The following LIMS2 variants were observed in gnomAD, a reference collection of about 807,000 sequenced individuals.
LIMS2 encodes the protein LIM zinc finger domain containing 2.
A neutral mutation model predicts 45.3 loss-of-function variants in LIMS2; 30 were observed. The ratio of observed to expected loss-of-function variants is 0.66; its 90% confidence interval spans 0.50 to 0.90. The LOEUF (loss-of-function observed/expected upper bound fraction) is 0.90, where lower values mean the gene tolerates loss of function less well. Among genes scored for constraint, LIMS2 ranks in the 40% least tolerant of loss-of-function variants. The probability of loss-of-function intolerance (pLI) is 0.00; values close to 1 mark genes in which losing one functional copy is unlikely to be tolerated. For missense variants in LIMS2, 485 were observed against 468.7 expected (o/e 1.03, Z -0.32); for synonymous variants, 173 against 188.0 (o/e 0.92, Z 0.65).
chr2:127,654,368 G>C lies in LIMS2; in HGVS notation c.359+56C>G, dbSNP rs879078159. 5.2e-5 allele frequency: 83 copies of C among 1,610,904 alleles called. 1 individual carries two copies. The South Asian group carries it at 6.4e-4, about 12-fold the overall frequency. On this transcript the variant is annotated intron_variant, in intron 4 of 9. Transcript: ENST00000355119. ...TGGGTAGCACACAGGAGAGGTGGCA[G>C]GTGTGCCAGGAAGGGCTGTGGCCCA...
chr2:127,641,274 ATCCCCT>A, intron 6 of LIMS2: 1 of 300,044 alleles, frequency 3.3e-6, no homozygotes, highest in Non-Finnish European at 6.4e-6. Context: ...GTGAGTCACC[ATCCCCT>A]CCCAGTCTGG....
chr2:127,664,552 G>C lies in LIMS2; in HGVS notation c.12-6990C>G. On this transcript the variant is annotated intron_variant, in intron 1 of 9. Coordinates refer to ENST00000355119, the MANE Select transcript of LIMS2 (RefSeq NM_001161403.3). The surrounding 1 kb of genome is among the most constrained non-coding windows in gnomAD (Gnocchi z 5.5). ...GTCGCGAGCTCACGTTACGCGCTGG[G>C]ATCTCCAAAGGGCAGCAGAGTCAAC... is the stretch of plus-strand genomic sequence containing the variant. 8.7e-7 allele frequency: 1 copy of C among 1,149,844 alleles called. No homozygotes were observed. The allele number at this position is 1,149,844 out of a possible 1,614,324, so 71.2% of individuals were successfully genotyped here. A position where few individuals can be genotyped will look rare whatever the true frequency, so the allele number is the denominator to read the frequency against.
At chr2:127,661,077 C>T (rs903754975) in intron 1 of LIMS2, among the ~76,000 whole-genome samples, 6 of 152,202 alleles carry the variant, frequency 3.9e-5, no homozygotes, top group South Asian at 2.1e-4. Context: ...GCAGAGACAA[C>T]GGAGACACAG....
intron 1 of LIMS2, among the ~76,000 whole-genome samples, chr2:127,670,570 G>A (rs1488216491): frequency 6.6e-6 from 1 of 152,244 alleles, no homozygotes; most frequent in Non-Finnish European, 1.5e-5. Context: ...GCACAGCCTT[G>A]TGAATGCACG....
chr2:127,664,329 C>T lies in LIMS2; in HGVS notation c.12-6767G>A. 8.1e-7 allele frequency: 1 copy of T among 1,230,878 alleles called. No homozygotes were observed. The highest frequency in any genetic ancestry group is 1.6e-5 in the African/African-American group (1 of 63,946). 76.2% of individuals were successfully genotyped at this position (1,230,878 alleles called of 1,614,324 possible). On this transcript the variant is annotated intron_variant, in intron 1 of 9. Transcript: ENST00000355119. The surrounding 1 kb of genome is among the most constrained non-coding windows in gnomAD (Gnocchi z 5.5). ...ACCCCGTGGCTGGCGGCGGGCTCTGCCGGTGCTGGCGCCGCCGGTACAGCC... is the reference window on the plus strand; with the variant it reads ...ACCCCGTGGCTGGCGGCGGGCTCTGTCGGTGCTGGCGCCGCCGGTACAGCC...
rs925134074 is a variant in LIMS2 at position 127,639,185 on chromosome 2, G to A, written c.*96C>T. ...AGGAAAGAGAAAGGGAGGGTAAGAT[G>A]CGGAGGGCACAGGTGGATGGGGACG... On this transcript the variant is annotated 3_prime_UTR_variant, in exon 10 of 10. Coordinates refer to ENST00000355119, the MANE Select transcript of LIMS2 (RefSeq NM_001161403.3). 6 of 1,303,108 alleles carry A rather than the reference G, an allele frequency of 4.6e-6. No homozygotes were observed. The East Asian group carries it at 9.3e-5, about 20-fold the overall frequency. 80.7% of individuals were successfully genotyped at this position (1,303,108 alleles called of 1,614,324 possible).
At position 127,651,229 on chromosome 2, in the gene LIMS2, C is replaced by T. The variant is rs766118161; in HGVS notation, c.359+3195G>A. The T allele has an allele frequency of 1.7e-5, 27 of 1,607,656 alleles. No individual in the cohort carries two copies. Among genetic ancestry groups the T allele is most frequent in the Admixed American group, 5.0e-5 (3 of 59,934 alleles). On this transcript the variant is annotated intron_variant, in intron 4 of 9. Transcript: ENST00000355119. ...GTGGTGGTGGCTGTGGCCATGGCCCCGCTGCTGGTGAGCCCACAGACCGTG... is the reference window on the plus strand; with the variant it reads ...GTGGTGGTGGCTGTGGCCATGGCCCTGCTGCTGGTGAGCCCACAGACCGTG...
rs543632410 is a variant in LIMS2 at position 127,653,122 on chromosome 2, C to T, written c.359+1302G>A. 6.6e-6 allele frequency among the ~76,000 whole-genome samples: 1 copy of T among 152,344 alleles called. No individual in the cohort carries two copies. Among genetic ancestry groups the T allele is most frequent in the South Asian group, 2.1e-4 (1 of 4,828 alleles). ...CTGCTCAATGCCAGGCACCGCCCAG[C>T]TCCGAGGACAGTGGGCCGGACGCCA... is the stretch of plus-strand genomic sequence containing the variant. On this transcript the variant is annotated intron_variant, in intron 4 of 9. Transcript: ENST00000355119. This position sits in a 1 kb window ranked among gnomAD's most constrained non-coding sequence, Gnocchi z 5.3.
In LIMS2 at chr2:127,654,825, C is replaced by A. The variant is rs1684141627; in HGVS notation, c.238+5G>T. ...GCCCAGGATGTGTACTGTCACCGGC[C>A]TTACCGCAGGATCCACAGCACGGAG... On this transcript the variant is annotated splice_donor_5th_base_variant and intron_variant, in intron 3 of 9. Transcript: ENST00000355119. 1 of 1,614,114 alleles carries A rather than the reference C, an allele frequency of 6.2e-7. No homozygotes were observed. The highest frequency in any genetic ancestry group is 8.5e-7 in the Non-Finnish European group (1 of 1,179,984).
upstream of LIMS2, among the ~76,000 whole-genome samples, chr2:127,677,736 A>G (rs1464628189): frequency 3.9e-5 from 6 of 152,258 alleles, no homozygotes; most frequent in African/African-American, 7.2e-5. This position sits in a 1 kb window ranked among gnomAD's most constrained non-coding sequence, Gnocchi z 5.0. Context: ...AGCAGGGGTG[A>G]ATCTCAGAAA....
intron 1 of LIMS2, among the ~76,000 whole-genome samples, chr2:127,660,452 G>A (rs1210075116): frequency 6.6e-6 from 1 of 152,192 alleles, no homozygotes; most frequent in East Asian, 1.9e-4. Context: ...TTTCAATCCT[G>A]AAGCCAGCGA....
chr2:127,655,407 T>A (rs1422524290), intron 2 of LIMS2: 1 of 168,696 alleles, frequency 5.9e-6, no homozygotes, highest in African/African-American at 2.4e-5. Flanking sequence ...GGAGCCAGTG[T>A]GCACACCCTC....
chr2:127,642,788 CG>C lies in LIMS2; in HGVS notation c.509+134del. 1 of 984,146 alleles carries C rather than the reference CG, an allele frequency of 1.0e-6. No individual in the cohort carries two copies. Among genetic ancestry groups the C allele is most frequent in the Non-Finnish European group, 1.5e-6 (1 of 679,122 alleles). The allele number at this position is 984,146 out of a possible 1,614,324, so 61.0% of individuals were successfully genotyped here. On this transcript the variant is annotated intron_variant, in intron 5 of 9. Coordinates refer to ENST00000355119, the MANE Select transcript of LIMS2 (RefSeq NM_001161403.3). The surrounding 1 kb of genome is among the most constrained non-coding windows in gnomAD (Gnocchi z 5.3). Reference sequence around the variant, plus strand: ...CACCTCTGCCCTGCAGCCTTGCTCTCGGGACCCCTCTGTCTGCCCACCCTGC... The same window carrying C: ...CACCTCTGCCCTGCAGCCTTGCTCTCGGACCCCTCTGTCTGCCCACCCTGC...
chr2:127,652,098 G>A (rs1014159039), intron 4 of LIMS2: 10 of 317,242 alleles, frequency 3.2e-5, no homozygotes, highest in African/African-American at 8.5e-5. Flanking sequence ...CTACAGAATC[G>A]CTCATCGGCG....
At position 127,642,322 on chromosome 2, in the gene LIMS2, G is replaced by T; in HGVS notation, c.510-123C>A. On this transcript the variant is annotated intron_variant, in intron 5 of 9. Coordinates refer to ENST00000355119, the MANE Select transcript of LIMS2 (RefSeq NM_001161403.3). This position sits in a 1 kb window ranked among gnomAD's most constrained non-coding sequence, Gnocchi z 5.3. ...CATTCTGTCCCTGCAGAGCCGAGGC[G>T]GCAGCGCCTTCTGATCTCTGGGCAC... 1 of 1,174,280 alleles carries T rather than the reference G, an allele frequency of 8.5e-7. No individual in the cohort carries two copies. Among genetic ancestry groups the T allele is most frequent in the Non-Finnish European group, 1.1e-6 (1 of 870,728 alleles). The allele number at this position is 1,174,280 out of a possible 1,614,324, so 72.7% of individuals were successfully genotyped here.
At chr2:127,668,667 T>TAAA (rs1685128434) in intron 1 of LIMS2, among the ~76,000 whole-genome samples, 1 of 13,680 alleles carries the variant, frequency 7.3e-5, no homozygotes, top group Non-Finnish European at 1.3e-4. Context: ...AGACTCCGTC[T>TAAA]CAAAAAAAAA....
chr2:127,664,191 G>C lies in LIMS2; in HGVS notation c.12-6629C>G. ...CCAACCCAGGGCCCATCCGACGCCG[G>C]GGCAGAGCCCACGGCGTCGGAGGGC... On this transcript the variant is annotated intron_variant, in intron 1 of 9. Coordinates refer to ENST00000355119, the MANE Select transcript of LIMS2 (RefSeq NM_001161403.3). The surrounding 1 kb of genome is among the most constrained non-coding windows in gnomAD (Gnocchi z 5.5). 1 of 850,300 alleles carries C rather than the reference G, an allele frequency of 1.2e-6. No individual in the cohort carries two copies. The highest frequency in any genetic ancestry group is 5.8e-5 in the South Asian group (1 of 17,194). 52.7% of individuals were successfully genotyped at this position (850,300 alleles called of 1,614,324 possible). A position where few individuals can be genotyped will look rare whatever the true frequency, so the allele number is the denominator to read the frequency against.
At chr2:127,675,636 C>T (rs1023377390), upstream of LIMS2, among the ~76,000 whole-genome samples, 1 of 152,166 alleles carries the variant, frequency 6.6e-6, no homozygotes, top group Admixed American at 6.5e-5. Flanking sequence ...CCCGGCGCCC[C>T]CTCTGCAGTC....
chr2:127,649,991 C>G, intron 4 of LIMS2: 1 of 1,600,996 alleles, frequency 6.2e-7, no homozygotes, highest in Non-Finnish European at 8.5e-7. Flanking sequence ...CTCCTAAACA[C>G]AGGTCTCCCC....
Sources: gnomAD v4.1 joint callset for allele counts (sites outside exome capture counted in the v4.1 genomes callset) on GRCh38, gnomAD v4.1.1 for gene constraint, Gnocchi (gnomAD v3.1) non-coding constraint, MANE v1.5 for transcripts, NCBI Gene and HGNC (gene_info 2026-07-23, HGNC 2026-07-21) for gene names.